GPC5: variants seen among roughly 807,000 people sequenced by gnomAD.
GPC5 encodes the protein glypican-5.
A neutral mutation model predicts 53.9 loss-of-function variants in GPC5; 47 were observed. The observed-to-expected ratio is 0.87, with a 90% CI of 0.69 to 1.11. The LOEUF (loss-of-function observed/expected upper bound fraction) is 1.11. GPC5 is among the 50% of genes most tolerant of loss of function. GPC5 has a pLI of 0.00. For synonymous variants in GPC5, 286 were observed against 263.3 expected (o/e 1.09, Z -0.84); for missense variants, 748 against 713.1 (o/e 1.05, Z -0.56).
chr13:92,477,054 T>A (rs28613305), intron 7 of GPC5, among the ~76,000 whole-genome samples: 2 of 55,370 alleles, frequency 3.6e-5, no homozygotes, highest in Admixed American at 2.1e-4. Context: ...TAATAAAAAA[T>A]AAATAAATAA....
In GPC5 at chr13:92,190,950, C is replaced by G. The variant is rs145094414; in HGVS notation, c.1561+45961C>G. On this transcript the variant is annotated intron_variant, in intron 7 of 7. Transcript: ENST00000377067. Reference sequence around the variant, plus strand: ...GTAAGAATAGATGAAAAATCAAGACCTACCTATATGTTGTCTATAAAATAC... The same window carrying G: ...GTAAGAATAGATGAAAAATCAAGACGTACCTATATGTTGTCTATAAAATAC... 2.7e-3 allele frequency among the ~76,000 whole-genome samples: 403 copies of G among 152,060 alleles called. 3 individuals carry two copies. Among genetic ancestry groups the G allele is most frequent in the African/African-American group, 9.4e-3 (390 of 41,490 alleles).
chr13:92,254,018 G>A (rs916097460), intron 7 of GPC5, among the ~76,000 whole-genome samples: 11 of 152,070 alleles, frequency 7.2e-5, no homozygotes, highest in Admixed American at 3.3e-4. Flanking sequence ...AAGCTTGAAT[G>A]GAGGAAGGGA....
At chr13:91,591,814 A>G (rs570960100) in intron 2 of GPC5, among the ~76,000 whole-genome samples, 34 of 152,138 alleles carry the variant, frequency 2.2e-4, no homozygotes, top group Non-Finnish European at 4.4e-4. Context: ...TAAAATGCCT[A>G]TTTCGTCTTA....
intron 7 of GPC5, among the ~76,000 whole-genome samples, chr13:92,617,347 G>C (rs1884727193): frequency 6.6e-6 from 1 of 152,070 alleles, no homozygotes; most frequent in Non-Finnish European, 1.5e-5. Context: ...AGTTCCTTTA[G>C]CTCTTCTTTC....
intron 5 of GPC5, among the ~76,000 whole-genome samples, chr13:91,881,238 A>T (rs1336668479): frequency 3.9e-5 from 6 of 152,248 alleles, no homozygotes; most frequent in East Asian, 3.9e-4. Context: ...CCTGTAACAG[A>T]AGCACCTAAA....
chr13:92,349,861 G>A (rs1377892021), intron 7 of GPC5, among the ~76,000 whole-genome samples: 10 of 151,872 alleles, frequency 6.6e-5, no homozygotes, highest in Non-Finnish European at 1.5e-4. Context: ...TGAAGAGGAG[G>A]GACTCTTTCT....
At chr13:92,664,103 AC>A (rs1369175140) in intron 7 of GPC5, among the ~76,000 whole-genome samples, 3 of 151,574 alleles carry the variant, frequency 2.0e-5, no homozygotes, top group Admixed American at 2.0e-4. Flanking sequence ...AATATGGAGA[AC>A]CTGATGCCTT....
At chr13:91,851,731 A>G (rs1294772545) in intron 5 of GPC5, among the ~76,000 whole-genome samples, 1 of 133,856 alleles carries the variant, frequency 7.5e-6, no homozygotes, top group Admixed American at 8.3e-5. Flanking sequence ...ATTCCCACCT[A>G]TGAGTGAGAA....
chr13:91,897,648 A>C (rs1208447466), intron 5 of GPC5, among the ~76,000 whole-genome samples: 1 of 152,196 alleles, frequency 6.6e-6, no homozygotes. Context: ...CATCTGTAAA[A>C]CTGTGTTCTC....
chr13:92,571,158 T>A (rs189045346), intron 7 of GPC5, among the ~76,000 whole-genome samples: 1 of 152,110 alleles, frequency 6.6e-6, no homozygotes, highest in African/African-American at 2.4e-5. Flanking sequence ...TTCTGAAAAT[T>A]TGGGAGGAGC....
At chr13:92,824,808 C>G (rs2138813931) in intron 7 of GPC5, among the ~76,000 whole-genome samples, 1 of 151,376 alleles carries the variant, frequency 6.6e-6, no homozygotes, top group African/African-American at 2.4e-5. Context: ...ATCTACAAGC[C>G]TCTGTCCACA....
intron 6 of GPC5, among the ~76,000 whole-genome samples, chr13:91,922,476 T>C (rs1230777924): frequency 6.6e-6 from 1 of 152,180 alleles, no homozygotes; most frequent in Non-Finnish European, 1.5e-5. Flanking sequence ...TATTCCAGAC[T>C]CTTTCTTAAT....
chr13:92,508,459 ATTGTT>A (rs1401575730), intron 7 of GPC5, among the ~76,000 whole-genome samples: 6 of 152,150 alleles, frequency 3.9e-5, no homozygotes, highest in Admixed American at 2.0e-4. Context: ...TGAATTGTGT[ATTGTT>A]TTAAGAGTTT....
At chr13:92,764,391 T>C (rs937287018) in intron 7 of GPC5, among the ~76,000 whole-genome samples, 5 of 152,222 alleles carry the variant, frequency 3.3e-5, no homozygotes, top group Non-Finnish European at 5.9e-5. Flanking sequence ...GCTCAGTAGC[T>C]GTATGGCTCA....
At chr13:91,954,267 T>C (rs1017227957) in intron 6 of GPC5, among the ~76,000 whole-genome samples, 2 of 152,120 alleles carry the variant, frequency 1.3e-5, no homozygotes, top group African/African-American at 4.8e-5. Context: ...AATTAAAGAA[T>C]GTTAAAGAGA....
At chr13:92,472,770 A>G (rs1167477897) in intron 7 of GPC5, among the ~76,000 whole-genome samples, 1 of 152,032 alleles carries the variant, frequency 6.6e-6, no homozygotes, top group African/African-American at 2.4e-5. Context: ...ATTAATTTTG[A>G]CTTGTATGGA....
In GPC5 at chr13:92,363,294, G is replaced by A. The variant is rs115785772; in HGVS notation, c.1561+218305G>A. 3.1e-3 allele frequency among the ~76,000 whole-genome samples: 467 copies of A among 151,648 alleles called. 16 individuals are homozygous for A. The highest frequency in any genetic ancestry group is 0.011 in the African/African-American group (438 of 40,976). On this transcript the variant is annotated intron_variant, in intron 7 of 7. Coordinates refer to ENST00000377067, the MANE Select transcript of GPC5 (RefSeq NM_004466.6). ...GGCTACTGGATAGAATTGTCAGAAGGTTATCATCTTAAGAATTTGGCCCTA... is the reference window on the plus strand; with the variant it reads ...GGCTACTGGATAGAATTGTCAGAAGATTATCATCTTAAGAATTTGGCCCTA...
intron 7 of GPC5, among the ~76,000 whole-genome samples, chr13:92,332,878 G>A (rs1055764397): frequency 6.6e-5 from 10 of 152,124 alleles, no homozygotes; most frequent in Non-Finnish European, 1.3e-4. Flanking sequence ...CTGGTTTCCA[G>A]TTCTACTTAT....
intron 6 of GPC5, among the ~76,000 whole-genome samples, chr13:92,044,085 C>T (rs535282277): frequency 6.6e-6 from 1 of 152,236 alleles, no homozygotes; most frequent in African/African-American, 2.4e-5. Flanking sequence ...CCCCTTTGCT[C>T]TCATAAGCTC....
Sources: gnomAD v4.1 joint callset for allele counts (sites outside exome capture counted in the v4.1 genomes callset) on GRCh38, gnomAD v4.1.1 for gene constraint, MANE v1.5 for transcripts, NCBI Gene and HGNC (gene_info 2026-07-23, HGNC 2026-07-21) for gene names.